DNAH6: variants seen among roughly 807,000 people sequenced by gnomAD.
The protein encoded by DNAH6 is dynein axonemal heavy chain 6.
Under a neutral mutation model 491.4 loss-of-function variants are expected in DNAH6, and 340 were observed. That is an observed-to-expected ratio of 0.69 (90% CI 0.63 to 0.76). The LOEUF is 0.76. DNAH6 is among the 30% of genes least tolerant of loss of function. The probability of loss-of-function intolerance (pLI) is 0.00; values close to 1 mark genes in which losing one functional copy is unlikely to be tolerated. For missense variants in DNAH6, 4,443 were observed against 4,972.2 expected, an observed-to-expected ratio of 0.89 and a Z score of 3.20; for synonymous variants, 1,603 against 1,686.1, an observed-to-expected ratio of 0.95 and a Z score of 1.21.
chr2:84,789,628 G>A (rs1677552811), intron 68 of DNAH6, among the ~76,000 whole-genome samples: 2 of 152,156 alleles, frequency 1.3e-5, no homozygotes, highest in African/African-American at 4.8e-5. Context: ...TTTGCATCTT[G>A]ACTTTCTGGA....
the DNAH6 span, among the ~76,000 whole-genome samples, chr2:84,474,782 A>G: frequency 6.6e-6 from 1 of 152,220 alleles, no homozygotes; most frequent in African/African-American, 2.4e-5. Context: ...CCTTTTGCTT[A>G]GGCCAATGCT....
At chr2:84,641,916 G>A (rs1362340333) in intron 32 of DNAH6, 31 bp from the exon 33 acceptor site, 5 of 1,508,696 alleles carry the variant, frequency 3.3e-6, no homozygotes, top group Admixed American at 4.0e-5. Context: ...ATGTTCTTGT[G>A]ATATTATCCG....
chr2:84,674,058 C>A (rs990624959), intron 40 of DNAH6, among the ~76,000 whole-genome samples: 3 of 152,150 alleles, frequency 2.0e-5, no homozygotes, highest in Non-Finnish European at 4.4e-5. Context: ...GAAACCAACA[C>A]CCTTGACAAG....
chr2:84,477,161 G>T, the DNAH6 span, among the ~76,000 whole-genome samples: 1 of 152,340 alleles, frequency 6.6e-6, no homozygotes, highest in South Asian at 2.1e-4. Context: ...AGCTCTGGGA[G>T]CCCATGCTAT....
chr2:84,781,250 G>T (rs75205983), intron 64 of DNAH6, among the ~76,000 whole-genome samples: 1 of 152,136 alleles, frequency 6.6e-6, no homozygotes, highest in African/African-American at 2.4e-5. Context: ...CTTCTCAACC[G>T]CAGGTATTGA....
intron 69 of DNAH6, 119 bp downstream of exon 69, chr2:84,796,544 C>A (rs1573838463): frequency 7.7e-6 from 6 of 779,434 alleles, no homozygotes; most frequent in Non-Finnish European, 1.1e-5. Context: ...TATAGCCACA[C>A]CCTATCCCCA....
intron 32 of DNAH6, 104 bp from the exon 33 acceptor site, chr2:84,641,843 A>T (rs1689437840): frequency 2.3e-6 from 2 of 854,318 alleles, no homozygotes; most frequent in Non-Finnish European, 3.6e-6. Context: ...TCTCCTTCTA[A>T]CAGGAATCCT....
At chr2:84,539,758 A>G (rs543664156) in intron 4 of DNAH6, among the ~76,000 whole-genome samples, 1 of 152,264 alleles carries the variant, frequency 6.6e-6, no homozygotes, top group African/African-American at 2.4e-5. Flanking sequence ...TCTCCTGGTG[A>G]TGAAACTTGG....
intron 68 of DNAH6, among the ~76,000 whole-genome samples, chr2:84,790,362 T>C (rs1019193208): frequency 1.1e-4 from 17 of 152,034 alleles, no homozygotes; most frequent in Non-Finnish European, 1.9e-4. Context: ...TTCCGAGATA[T>C]GACACAAAAA....
chr2:84,543,588 G>A (rs911494906), intron 4 of DNAH6, among the ~76,000 whole-genome samples: 2 of 152,042 alleles, frequency 1.3e-5, no homozygotes, highest in African/African-American at 4.8e-5. Flanking sequence ...TAGAGAATCG[G>A]CCCTATTTTC....
Position 84,659,112 on chromosome 2 carries a change from C to G in DNAH6, c.6027C>G (p.Tyr2009Ter). Residue 2009 changes from tyrosine (Y) to a stop codon, truncating the protein, a stop_gained, in exon 37 of 77, where the codon TAC (tyrosine) becomes TAG (stop). Transcript: ENST00000389394. LOFTEE classifies it high-confidence loss of function. ...WSLGGNLTEN[Y>*]YDSFDTFIRT... ...TGGGTGGAAACCTAACTGAAAACTA[C>G]TATGATTCTTTTGATACATTTATTA... The G allele has an allele frequency of 6.6e-7, 1 of 1,517,872 alleles. No individual in the cohort carries two copies. The highest frequency in any genetic ancestry group is 8.9e-7 in the Non-Finnish European group (1 of 1,121,532). The allele number at this position is 1,517,872 out of a possible 1,614,324, so 94.0% of individuals were successfully genotyped here. A position where few individuals can be genotyped will look rare whatever the true frequency, so the allele number is the denominator to read the frequency against.
At chr2:84,544,098 G>A in intron 4 of DNAH6, 135 bp from the exon 5 acceptor site, 1 of 463,478 alleles carries the variant, frequency 2.2e-6, no homozygotes, top group Non-Finnish European at 3.8e-6. Flanking sequence ...GAAAGTAGTT[G>A]GTTAGAATTT....
intron 41 of DNAH6, among the ~76,000 whole-genome samples, chr2:84,679,140 G>A (rs7567549): frequency 0.75 from 113,662 of 152,098 alleles, 42,906 homozygotes; most frequent in East Asian, 0.92. Flanking sequence ...TATTTCTACT[G>A]TATAAAAGAA....
At chr2:84,741,933 T>C (rs1472075449) in intron 62 of DNAH6, among the ~76,000 whole-genome samples, 2 of 152,194 alleles carry the variant, frequency 1.3e-5, no homozygotes, top group Admixed American at 1.3e-4. Flanking sequence ...TCCAGGGATT[T>C]CCCTCTTACT....
At chr2:84,812,656 C>A in intron 73 of DNAH6, 130 bp downstream of exon 73, 1 of 793,092 alleles carries the variant, frequency 1.3e-6, no homozygotes, top group Non-Finnish European at 2.0e-6. Context: ...AAAGAGATGT[C>A]CAGAATGGCA....
Position 84,573,492 on chromosome 2 carries a change from C to T in DNAH6, c.1829C>T (p.Ser610Leu), listed in dbSNP as rs780674354. The T allele has an allele frequency of 7.6e-6, 12 of 1,585,270 alleles. No homozygotes were observed. Among genetic ancestry groups the T allele is most frequent in the Non-Finnish European group, 1.0e-5 (12 of 1,171,212 alleles). The change falls in exon 12 of 77, where the codon TCA (serine) becomes TTA (leucine). Residue 610 changes from serine (S) to leucine (L), a missense_variant. Ser to Leu is a moderately radical substitution (Grantham distance 145). Transcript: ENST00000389394. ...IKETIQAAFESARIYAATFEK... is the reference protein window; with the variant it reads ...IKETIQAAFELARIYAATFEK... ...GAAACCATTCAGGCCGCATTTGAAT[C>T]AGCCCGCATCTATGCAGCTACCTTT...
At chr2:84,540,420 C>T (rs181763840) in intron 4 of DNAH6, among the ~76,000 whole-genome samples, 1 of 152,260 alleles carries the variant, frequency 6.6e-6, no homozygotes, top group Admixed American at 6.5e-5. Context: ...CAATATTAGT[C>T]TGGTAGATTG....
chr2:84,816,892 A>T (rs915691704), intron 76 of DNAH6, among the ~76,000 whole-genome samples: 2 of 152,188 alleles, frequency 1.3e-5, no homozygotes, highest in Non-Finnish European at 2.9e-5. Flanking sequence ...GAACTGGGAA[A>T]ATCGCCTTGA....
At chr2:84,752,836 C>T (rs1382147467) in intron 63 of DNAH6, among the ~76,000 whole-genome samples, 1 of 152,014 alleles carries the variant, frequency 6.6e-6, no homozygotes, top group Non-Finnish European at 1.5e-5. Context: ...ATGTTGTTTC[C>T]ACTTTCTGAC....
Sources: allele counts gnomAD v4.1 joint callset (sites outside exome capture counted in the v4.1 genomes callset), GRCh38; gene constraint gnomAD v4.1.1; transcripts MANE v1.5; gene names NCBI Gene and HGNC (gene_info 2026-07-23, HGNC 2026-07-21).